HYCC1: variants seen among roughly 807,000 people sequenced by gnomAD.
The protein encoded by HYCC1 is hyccin PI4KA lipid kinase complex subunit 1, also known as hyccin.
the HYCC1 span, among the ~76,000 whole-genome samples, chr7:22,917,913 C>T: frequency 2.6e-5 from 4 of 152,170 alleles, no homozygotes; most frequent in African/African-American, 9.7e-5. Context: ...CTACCTCTCC[C>T]CAGCTATCTC....
At chr7:23,008,829 T>G in the HYCC1 span, among the ~76,000 whole-genome samples, 2 of 151,986 alleles carry the variant, frequency 1.3e-5, no homozygotes, top group Non-Finnish European at 2.9e-5. Flanking sequence ...CACTCTACAT[T>G]AAAATACACT....
At chr7:22,947,201 G>A in the HYCC1 span, 21 of 1,549,902 alleles carry the variant, frequency 1.4e-5, no homozygotes, top group Non-Finnish European at 1.8e-5. Context: ...TCTCAGGAAT[G>A]ACAAGGATGC....
chr7:22,976,115 T>G, the HYCC1 span: 1 of 827,574 alleles, frequency 1.2e-6, no homozygotes. Flanking sequence ...TTTAAACAAA[T>G]GATTACACAA....
the HYCC1 span, chr7:22,940,309 T>A: frequency 7.1e-6 from 1 of 140,450 alleles, no homozygotes; most frequent in Non-Finnish European, 1.5e-5. Context: ...TGGAGTACAG[T>A]GGCATGATCT....
the HYCC1 span, chr7:22,978,481 T>A: frequency 1.3e-6 from 2 of 1,547,528 alleles, no homozygotes; most frequent in Non-Finnish European, 1.8e-6. Flanking sequence ...ATTCAAGAAC[T>A]GGACTGTATT....
chr7:22,897,191 G>C, the HYCC1 span, among the ~76,000 whole-genome samples: 2 of 152,312 alleles, frequency 1.3e-5, no homozygotes, highest in East Asian at 3.9e-4. Flanking sequence ...TTCCAAGAAC[G>C]ACAAGCTGGT....
At chr7:22,960,413 A>C in the HYCC1 span, 1,626 of 1,611,402 alleles carry the variant, frequency 1.0e-3, 13 homozygotes, top group East Asian at 0.023. Context: ...TTGCATTAGC[A>C]ACCTAAGGAG....
the HYCC1 span, among the ~76,000 whole-genome samples, chr7:22,905,445 G>T: frequency 1.4e-5 from 2 of 141,230 alleles, no homozygotes; most frequent in Non-Finnish European, 3.0e-5. Flanking sequence ...TTGTTGGCCG[G>T]GCTAGTCTTG....
At chr7:23,006,897 C>T in the HYCC1 span, among the ~76,000 whole-genome samples, 1 of 152,202 alleles carries the variant, frequency 6.6e-6, no homozygotes, top group Admixed American at 6.5e-5. Context: ...TGGAAAAGTA[C>T]TGTGTTTCCA....
the HYCC1 span, among the ~76,000 whole-genome samples, chr7:22,924,596 G>C: frequency 6.6e-6 from 1 of 152,252 alleles, no homozygotes; most frequent in African/African-American, 2.4e-5. Context: ...TAGCACAGCA[G>C]TCTGAGATCA....
At chr7:22,989,065 C>G in the HYCC1 span, among the ~76,000 whole-genome samples, 2 of 152,170 alleles carry the variant, frequency 1.3e-5, no homozygotes, top group Non-Finnish European at 2.9e-5. Context: ...GCTGATCTCA[C>G]CCCTACAACC....
the HYCC1 span, among the ~76,000 whole-genome samples, chr7:22,971,458 T>G: frequency 6.6e-6 from 1 of 151,306 alleles, no homozygotes; most frequent in Non-Finnish European, 1.5e-5. Context: ...CCAGAGTGCC[T>G]GAGCTCAGGA....
the HYCC1 span, chr7:22,946,131 T>C: frequency 6.2e-7 from 1 of 1,613,158 alleles, no homozygotes; most frequent in Admixed American, 1.7e-5. Context: ...GATATCTCCA[T>C]CAGTTCTTCT....
At chr7:22,943,763 A>G in the HYCC1 span, 1 of 152,632 alleles carries the variant, frequency 6.6e-6, no homozygotes. Context: ...CAAATATTTT[A>G]AATTGTACAC....
the HYCC1 span, among the ~76,000 whole-genome samples, chr7:23,010,663 C>CTT: frequency 6.6e-6 from 1 of 152,150 alleles, no homozygotes; most frequent in Non-Finnish European, 1.5e-5. Context: ...GTCAATTACA[C>CTT]TTCAATAGAA....
the HYCC1 span, among the ~76,000 whole-genome samples, chr7:22,897,864 G>A: frequency 1.3e-5 from 2 of 151,932 alleles, no homozygotes; most frequent in Admixed American, 1.3e-4. Flanking sequence ...GAACTCCTAG[G>A]CTCAAGTGAT....
the HYCC1 span, among the ~76,000 whole-genome samples, chr7:22,897,912 G>A: frequency 6.6e-6 from 1 of 152,092 alleles, no homozygotes; most frequent in Non-Finnish European, 1.5e-5. Context: ...GGGATTACAG[G>A]TCTGAGCCAC....
At chr7:22,958,144 T>C in the HYCC1 span, among the ~76,000 whole-genome samples, 1 of 151,954 alleles carries the variant, frequency 6.6e-6, no homozygotes, top group Admixed American at 6.6e-5. Flanking sequence ...AGAAAAACAA[T>C]GTGTTCAAGT....
the HYCC1 span, among the ~76,000 whole-genome samples, chr7:22,992,483 G>T: frequency 6.6e-6 from 1 of 152,038 alleles, no homozygotes; most frequent in South Asian, 2.1e-4. Context: ...CCAAAGCACT[G>T]CTAGATGACA....
Sources: gnomAD v4.1 joint callset for allele counts (sites outside exome capture counted in the v4.1 genomes callset) on GRCh38, gnomAD v4.1.1 for gene constraint, MANE v1.5 for transcripts, NCBI Gene and HGNC (gene_info 2026-07-23, HGNC 2026-07-21) for gene names.